The following MAP4K3 variants were observed in gnomAD, a reference collection of about 807,000 sequenced individuals.
The protein encoded by MAP4K3 is MAPK/ERK kinase kinase kinase 3.
MAP4K3 carries 94 observed loss-of-function variants against 143.5 expected under a neutral mutation model. The ratio of observed to expected loss-of-function variants is 0.65; its 90% CI spans 0.55 to 0.78. MAP4K3 has a LOEUF of 0.78. Ranked by LOEUF, MAP4K3 falls within the 30% of genes least tolerant of loss-of-function variation. The pLI is 0.00. For synonymous variants in MAP4K3, 416 were observed against 347.2 expected (o/e 1.20, Z -2.20); for missense variants, 1,077 against 1,068.1 (o/e 1.01, Z -0.12).
At chr2:39,318,663 A>AT (rs1394301689) in intron 12 of MAP4K3, among the ~76,000 whole-genome samples, 5 of 151,856 alleles carry the variant, frequency 3.3e-5, no homozygotes, top group Admixed American at 1.3e-4. Context: ...CATGGTGTCT[A>AT]TTTTTTTTAA....
At chr2:39,305,953 T>A (rs530018602) in intron 15 of MAP4K3, among the ~76,000 whole-genome samples, 8 of 152,138 alleles carry the variant, frequency 5.3e-5, no homozygotes, top group African/African-American at 1.9e-4. Context: ...CTCAGCCTCC[T>A]GAGTAGCTGG....
intron 12 of MAP4K3, among the ~76,000 whole-genome samples, chr2:39,324,767 G>A (rs1277735302): frequency 1.3e-5 from 2 of 152,140 alleles, no homozygotes; most frequent in Admixed American, 6.5e-5. Flanking sequence ...TATCTTGGTT[G>A]CCACAACTAT....
intron 24 of MAP4K3, among the ~76,000 whole-genome samples, chr2:39,272,940 G>C (rs1681092071): frequency 6.6e-6 from 1 of 151,968 alleles, no homozygotes; most frequent in African/African-American, 2.4e-5. Context: ...ATGCATTCTA[G>C]GGTGTATGAT....
chr2:39,413,124 T>C (rs72931117), intron 1 of MAP4K3, among the ~76,000 whole-genome samples: 4,813 of 152,334 alleles, frequency 0.032, 262 homozygotes, highest in African/African-American at 0.11. Flanking sequence ...TGTTCCATTT[T>C]ACCTAGAGTA....
chr2:39,392,018 T>C (rs754456540), intron 1 of MAP4K3, among the ~76,000 whole-genome samples: 4 of 151,610 alleles, frequency 2.6e-5, no homozygotes, highest in Non-Finnish European at 4.4e-5. Flanking sequence ...CCATCTCTAC[T>C]AAAAATACAA....
chr2:39,338,497 A>G lies in MAP4K3; in HGVS notation c.311-916T>C, dbSNP rs200342161. Among the ~76,000 whole-genome samples the G allele has an allele frequency of 1.2e-4, 19 of 152,362 alleles. No homozygotes were observed. The East Asian group carries it at 3.5e-3, about 28-fold the overall frequency. On this transcript the variant is annotated intron_variant, in intron 4 of 33. Coordinates refer to ENST00000263881, the MANE Select transcript of MAP4K3 (RefSeq NM_003618.4). ...AGTTTGGTCTATAACCTACCAGACTATTTTAAACGGACATTTTATAAACTA... is the reference window on the plus strand; with the variant it reads ...AGTTTGGTCTATAACCTACCAGACTGTTTTAAACGGACATTTTATAAACTA...
At chr2:39,256,049 G>C (rs562250649) in intron 31 of MAP4K3, among the ~76,000 whole-genome samples, 2 of 152,156 alleles carry the variant, frequency 1.3e-5, no homozygotes, top group South Asian at 4.2e-4. Flanking sequence ...AAAATGTTTG[G>C]ATTTCATTTA....
intron 1 of MAP4K3, among the ~76,000 whole-genome samples, chr2:39,434,101 C>T (rs1289515181): frequency 6.6e-6 from 1 of 152,154 alleles, no homozygotes; most frequent in Non-Finnish European, 1.5e-5. Flanking sequence ...AAATAAAAAT[C>T]TCCACCAACC....
chr2:39,412,190 A>G (rs550166348), intron 1 of MAP4K3, among the ~76,000 whole-genome samples: 104 of 152,330 alleles, frequency 6.8e-4, no homozygotes, highest in African/African-American at 2.3e-3. Flanking sequence ...TCAGGGGCAA[A>G]ATCAGTAACA....
intron 1 of MAP4K3, among the ~76,000 whole-genome samples, chr2:39,403,788 C>G (rs1384567314): frequency 1.3e-5 from 2 of 151,078 alleles, no homozygotes; most frequent in Non-Finnish European, 2.9e-5. Flanking sequence ...GCCACCCCTC[C>G]CCTAACCCCA....
At chr2:39,383,751 C>G (rs2148587180) in intron 1 of MAP4K3, among the ~76,000 whole-genome samples, 1 of 152,130 alleles carries the variant, frequency 6.6e-6, no homozygotes, top group African/African-American at 2.4e-5. Flanking sequence ...AAATAGGAAA[C>G]AGGGCAAATT....
intron 2 of MAP4K3, among the ~76,000 whole-genome samples, chr2:39,364,251 G>C (rs1665858269): frequency 6.6e-6 from 1 of 152,188 alleles, no homozygotes; most frequent in Non-Finnish European, 1.5e-5. Context: ...ACTGGGGGAA[G>C]TAAGAATTAG....
intron 6 of MAP4K3, 65 bp from the exon 7 acceptor site, chr2:39,333,639 A>T (rs1002294452): frequency 3.0e-5 from 24 of 793,736 alleles, no homozygotes; most frequent in Non-Finnish European, 4.7e-5. Context: ...CACATATATA[A>T]TAAATATACA....
In MAP4K3 at chr2:39,260,535, G is replaced by C. The variant is rs541522962; in HGVS notation, c.2308+71C>G. 1.9e-5 allele frequency: 24 copies of C among 1,276,680 alleles called. No homozygotes were observed. In the African/African-American group the frequency reaches 3.5e-4, roughly 18 times the overall value. The allele number at this position is 1,276,680 out of a possible 1,614,324, so 79.1% of individuals were successfully genotyped here. On this transcript the variant is annotated intron_variant, in intron 29 of 33. Transcript: ENST00000263881. ...TATATGCAGTTTTTCCTTAGTAAGA[G>C]ATACAGTAAACTTACTACTTATAAA...
intron 21 of MAP4K3, 37 bp from the exon 22 acceptor site, chr2:39,282,591 G>C (rs1681585219): frequency 7.0e-7 from 1 of 1,436,868 alleles, no homozygotes; most frequent in Non-Finnish European, 9.8e-7. Flanking sequence ...CACTTTTTTT[G>C]CTGCTGTTTG....
intron 4 of MAP4K3, among the ~76,000 whole-genome samples, chr2:39,339,213 T>C (rs900283986): frequency 2.0e-5 from 3 of 152,202 alleles, no homozygotes; most frequent in African/African-American, 7.2e-5. Context: ...AATTAGATTA[T>C]TTTAAGGACC....
intron 1 of MAP4K3, among the ~76,000 whole-genome samples, chr2:39,392,737 G>A (rs1315438372): frequency 6.6e-6 from 1 of 152,190 alleles, no homozygotes; most frequent in Non-Finnish European, 1.5e-5. Flanking sequence ...TTCTGAGGAA[G>A]TAGGTTGTTT....
chr2:39,254,376 C>T, intron 32 of MAP4K3, 74 bp downstream of exon 32: 2 of 1,162,908 alleles, frequency 1.7e-6, no homozygotes, highest in Non-Finnish European at 2.6e-6. Flanking sequence ...TTACTTGTAT[C>T]ATTTAGGAAT....
chr2:39,301,782 G>A (rs1011881740), intron 15 of MAP4K3, among the ~76,000 whole-genome samples: 2 of 152,310 alleles, frequency 1.3e-5, no homozygotes, highest in Admixed American at 6.5e-5. Flanking sequence ...CCAGCACTTC[G>A]GGAGGGCCGA....
Sources: gnomAD v4.1 joint callset for allele counts (sites outside exome capture counted in the v4.1 genomes callset) on GRCh38, gnomAD v4.1.1 for gene constraint, MANE v1.5 for transcripts, NCBI Gene and HGNC (gene_info 2026-07-23, HGNC 2026-07-21) for gene names.